Variants in SMPD3 observed in about 807,000 individuals in gnomAD.
SMPD3 encodes the protein sphingomyelin phosphodiesterase 3.
Under a neutral mutation model 55.7 loss-of-function variants are expected in SMPD3, and 21 were observed. The ratio of observed to expected loss-of-function variants is 0.38; its 90% confidence interval spans 0.27 to 0.54. The LOEUF (loss-of-function observed/expected upper bound fraction) is 0.54, where lower values mean the gene tolerates loss of function less well. SMPD3 is among the 20% of genes least tolerant of loss of function. SMPD3 has a pLI of 0.80. For synonymous variants in SMPD3, 457 were observed against 404.3 expected (o/e 1.13, Z -1.56); for missense variants, 842 against 899.6 (o/e 0.94, Z 0.82).
chr16:68,362,039 C>G (rs1448019643), intron 7 of SMPD3, among the ~76,000 whole-genome samples: 1 of 152,220 alleles, frequency 6.6e-6, no homozygotes, highest in Non-Finnish European at 1.5e-5. Flanking sequence ...TGAACTCGGA[C>G]AGAACTGATC....
chr16:68,442,853 G>A (rs12599226), intron 1 of SMPD3, among the ~76,000 whole-genome samples: 108,719 of 152,052 alleles, frequency 0.72, 39,991 homozygotes, highest in East Asian at 0.88. Flanking sequence ...ATGGGGTGCC[G>A]GGTCCTTGGC....
chr16:68,381,340 C>T (rs1208260807), intron 2 of SMPD3, among the ~76,000 whole-genome samples: 1 of 152,202 alleles, frequency 6.6e-6, no homozygotes, highest in Non-Finnish European at 1.5e-5. Context: ...GAGAGGATGC[C>T]CCAGCTCAGG....
intron 7 of SMPD3, 24 bp downstream of exon 7, chr16:68,363,472 C>T (rs760557398): frequency 6.2e-7 from 1 of 1,613,802 alleles, no homozygotes; most frequent in Admixed American, 1.7e-5. Flanking sequence ...TGCCTCGTCC[C>T]TGGCCTGGGA....
intron 1 of SMPD3, among the ~76,000 whole-genome samples, chr16:68,424,508 AT>A (rs1031459976): frequency 1.3e-5 from 2 of 152,050 alleles, no homozygotes; most frequent in African/African-American, 2.4e-5. Context: ...GGGAAAAGTA[AT>A]TTTACTTATG....
chr16:68,419,729 G>A (rs1864390174), intron 1 of SMPD3, among the ~76,000 whole-genome samples: 1 of 152,208 alleles, frequency 6.6e-6, no homozygotes, highest in African/African-American at 2.4e-5. Context: ...TGAACCCCAT[G>A]TAATGATGAT....
intron 5 of SMPD3, 51 bp downstream of exon 5, chr16:68,364,700 C>G: frequency 6.4e-7 from 1 of 1,568,944 alleles, no homozygotes; most frequent in South Asian, 1.2e-5. Context: ...GTGACTGAGC[C>G]CACAGCCTCC....
chr16:68,378,852 G>A (rs1014268469), intron 2 of SMPD3, among the ~76,000 whole-genome samples: 7 of 152,170 alleles, frequency 4.6e-5, no homozygotes, highest in Non-Finnish European at 8.8e-5. Flanking sequence ...TGAAGCTTCT[G>A]GAACCTTCTT....
intron 1 of SMPD3, among the ~76,000 whole-genome samples, chr16:68,428,666 G>A (rs547258785): frequency 6.6e-6 from 1 of 152,304 alleles, no homozygotes; most frequent in Admixed American, 6.5e-5. Flanking sequence ...TATTTTCCAT[G>A]TCTGATAAAG....
At chr16:68,429,497 A>C (rs58102845) in intron 1 of SMPD3, among the ~76,000 whole-genome samples, 5,127 of 152,294 alleles carry the variant, frequency 0.034, 195 homozygotes, top group African/African-American at 0.1. Context: ...TATTGATTCC[A>C]GGAGTATAAT....
chr16:68,403,954 G>C (rs1478945341), intron 1 of SMPD3, among the ~76,000 whole-genome samples: 1 of 152,160 alleles, frequency 6.6e-6, no homozygotes, highest in Non-Finnish European at 1.5e-5. Context: ...GGAACGCCAG[G>C]TCCCAGGGAG....
intron 1 of SMPD3, among the ~76,000 whole-genome samples, chr16:68,434,329 G>C (rs995490872): frequency 2.0e-5 from 3 of 152,114 alleles, no homozygotes; most frequent in African/African-American, 7.2e-5. Flanking sequence ...CATGTATTTC[G>C]ATGCTAAAGT....
At chr16:68,417,761 T>G (rs1036142077) in intron 1 of SMPD3, among the ~76,000 whole-genome samples, 1 of 152,218 alleles carries the variant, frequency 6.6e-6, no homozygotes, top group Non-Finnish European at 1.5e-5. Context: ...CGTTTTGCTA[T>G]ATCACACAGC....
chr16:68,437,297 G>A (rs768908099), intron 1 of SMPD3, among the ~76,000 whole-genome samples: 6 of 152,182 alleles, frequency 3.9e-5, no homozygotes, highest in Non-Finnish European at 8.8e-5. Flanking sequence ...CCAAACATCC[G>A]TGCCTTTATT....
chr16:68,445,536 A>T (rs575144004), intron 1 of SMPD3, among the ~76,000 whole-genome samples: 1 of 152,228 alleles, frequency 6.6e-6, no homozygotes, highest in Non-Finnish European at 1.5e-5. Context: ...GAGCCCCCCA[A>T]TAGAAAGATT....
chr16:68,410,346 C>T (rs1276565150), intron 1 of SMPD3, among the ~76,000 whole-genome samples: 2 of 151,932 alleles, frequency 1.3e-5, no homozygotes, highest in African/African-American at 4.8e-5. Flanking sequence ...GTGGCCCCAC[C>T]AACATGAACA....
intron 6 of SMPD3, 49 bp downstream of exon 6, chr16:68,363,728 A>G (rs546853876): frequency 1.3e-6 from 2 of 1,516,184 alleles, no homozygotes; most frequent in Admixed American, 3.9e-5. Context: ...CTTTGAGGGA[A>G]GTCTGTGGGG....
intron 1 of SMPD3, among the ~76,000 whole-genome samples, chr16:68,387,811 AC>A (rs2090073147): frequency 6.6e-6 from 1 of 152,132 alleles, no homozygotes; most frequent in Admixed American, 6.5e-5. Context: ...TTTGCAAATC[AC>A]CCAAACTAAG....
intron 1 of SMPD3, among the ~76,000 whole-genome samples, chr16:68,418,367 G>GAA (rs772534317): frequency 1.6e-5 from 2 of 124,596 alleles, no homozygotes; most frequent in African/African-American, 6.0e-5. Context: ...TTCATAAAAT[G>GAA]AAAAAAAAAA....
intron 1 of SMPD3, among the ~76,000 whole-genome samples, chr16:68,426,126 T>C (rs375459806): frequency 7.2e-5 from 11 of 152,302 alleles, no homozygotes; most frequent in African/African-American, 2.2e-4. Flanking sequence ...ACAGTATCAA[T>C]AATCCTGTTC....
Sources: allele counts gnomAD v4.1 joint callset (sites outside exome capture counted in the v4.1 genomes callset), GRCh38; gene constraint gnomAD v4.1.1; transcripts MANE v1.5; gene names NCBI Gene and HGNC (gene_info 2026-07-23, HGNC 2026-07-21).